The following FNDC1 variants were observed in gnomAD, a reference collection of about 807,000 sequenced individuals.
The protein encoded by FNDC1 is fibronectin type III domain-containing protein 1.
Under a neutral mutation model 168.0 loss-of-function variants are expected in FNDC1, and 96 were observed. The ratio of observed to expected loss-of-function variants is 0.57; its 90% CI spans 0.48 to 0.68. The LOEUF (loss-of-function observed/expected upper bound fraction) is 0.68, where lower values mean the gene tolerates loss of function less well. Ranked by LOEUF, FNDC1 falls within the 30% of genes least tolerant of loss-of-function variation. The probability of loss-of-function intolerance (pLI) is 0.00; values close to 1 mark genes in which losing one functional copy is unlikely to be tolerated. For synonymous variants in FNDC1, 1,099 were observed against 1,025.9 expected (o/e 1.07, Z -1.36); for missense variants, 2,587 against 2,482.1 (o/e 1.04, Z -0.90).
intron 1 of FNDC1, among the ~76,000 whole-genome samples, chr6:159,175,581 A>G (rs1781745212): frequency 1.3e-5 from 2 of 152,216 alleles, no homozygotes; most frequent in African/African-American, 2.4e-5. Flanking sequence ...AGGTACTGAA[A>G]TGTGTTGAAC....
chr6:159,222,178 C>T (rs547553960), intron 6 of FNDC1, among the ~76,000 whole-genome samples: 24 of 152,234 alleles, frequency 1.6e-4, no homozygotes, highest in Non-Finnish European at 2.5e-4. Flanking sequence ...CACACGGTTA[C>T]ATTTCCCACG....
rs748341189 is a variant in FNDC1, at chr6:159,221,633, A to G, written c.703A>G (p.Met235Val). Residue 235 changes from methionine to valine, a missense_variant, in exon 6 of 23, where the codon ATG becomes GTG. Coordinates refer to ENST00000297267, the MANE Select transcript of FNDC1 (RefSeq NM_032532.3). ...CGTGTATGTGGTCTCCCTGCAGTCCATGAACTCTCAGGGCCGGAGCCAACC... is the reference window on the plus strand; with the variant it reads ...CGTGTATGTGGTCTCCCTGCAGTCCGTGAACTCTCAGGGCCGGAGCCAACC... Reference protein sequence around the residue: ...ESVYVVSLQSMNSQGRSQPVY... With the variant: ...ESVYVVSLQSVNSQGRSQPVY... 7 of 1,613,888 alleles carry G rather than the reference A, an allele frequency of 4.3e-6. No homozygotes were observed. Among genetic ancestry groups the G allele is most frequent in the African/African-American group, 1.3e-5 (1 of 74,942 alleles).
chr6:159,206,931 C>T lies in FNDC1; in HGVS notation c.460+6350C>T, dbSNP rs185133380. On this transcript the variant is annotated intron_variant, in intron 4 of 22. Coordinates refer to ENST00000297267, the MANE Select transcript of FNDC1 (RefSeq NM_032532.3). ...GGCTTGGATCTCTTCATCCGGTGCT[C>T]GTTTCAAAGCTGCCTCTCATGTTAA... 3.0e-4 allele frequency among the ~76,000 whole-genome samples: 46 copies of T among 152,294 alleles called. No individual in the cohort carries two copies. The East Asian group carries it at 4.6e-3, about 15-fold the overall frequency.
At chr6:159,270,217 G>A (rs1162730215) in intron 22 of FNDC1, among the ~76,000 whole-genome samples, 1 of 152,054 alleles carries the variant, frequency 6.6e-6, no homozygotes, top group African/African-American at 2.4e-5. Flanking sequence ...AGTCTGTCTT[G>A]GTTTTGTGGC....
chr6:159,216,778 T>A (rs187408048), intron 5 of FNDC1, among the ~76,000 whole-genome samples: 1 of 152,248 alleles, frequency 6.6e-6, no homozygotes, highest in Non-Finnish European at 1.5e-5. Flanking sequence ...TCTTACTTAC[T>A]GTCATGTAAG....
intron 5 of FNDC1, among the ~76,000 whole-genome samples, chr6:159,217,451 C>A (rs1185586909): frequency 6.6e-6 from 1 of 152,196 alleles, no homozygotes; most frequent in African/African-American, 2.4e-5. Context: ...TAAGCTGACT[C>A]TACTTTGTGT....
chr6:159,223,018 G>A (rs1782865099), intron 6 of FNDC1, among the ~76,000 whole-genome samples: 1 of 133,672 alleles, frequency 7.5e-6, no homozygotes, highest in Non-Finnish European at 1.6e-5. Context: ...TTTTTGAGGT[G>A]GAGTTTTCGC....
chr6:159,254,341 T>A (rs1777330361), intron 17 of FNDC1, among the ~76,000 whole-genome samples: 1 of 152,142 alleles, frequency 6.6e-6, no homozygotes, highest in Non-Finnish European at 1.5e-5. Flanking sequence ...ACCATGCACA[T>A]GGTTTTAATT....
In FNDC1 at chr6:159,169,680, C is replaced by T. The variant is rs1003404090; in HGVS notation, c.84C>T (p.Pro28=). ...AALLLLAALL[P]VASSAAASVD... Reference sequence around the variant, plus strand: ...TGCTGCTCTTGGCCGCGCTGCTCCCCGTCGCCTCCTCGGCGGCGGCCTCAG... The same window carrying T: ...TGCTGCTCTTGGCCGCGCTGCTCCCTGTCGCCTCCTCGGCGGCGGCCTCAG... Residue 28 remains proline (P), a synonymous_variant, in exon 1 of 23, where the codon CCC becomes CCT. Coordinates refer to ENST00000297267, the MANE Select transcript of FNDC1 (RefSeq NM_032532.3). The surrounding 1 kb of genome is among the most constrained non-coding windows in gnomAD (Gnocchi z 6.8). 2.6e-6 allele frequency: 3 copies of T among 1,162,322 alleles called. No homozygotes were observed. The highest frequency in any genetic ancestry group is 4.0e-5 in the East Asian group (1 of 24,860). 72.0% of individuals were successfully genotyped at this position (1,162,322 alleles called of 1,614,324 possible). A position where few individuals can be genotyped will look rare whatever the true frequency, so the allele number is the denominator to read the frequency against.
intron 4 of FNDC1, among the ~76,000 whole-genome samples, chr6:159,214,663 C>T (rs371186042): frequency 2.6e-5 from 4 of 152,168 alleles, no homozygotes; most frequent in South Asian, 4.1e-4. Flanking sequence ...TAAAAAGGGA[C>T]ACTGTAAAAC....
chr6:159,200,834 T>C (rs567472355), intron 4 of FNDC1, among the ~76,000 whole-genome samples: 12 of 152,364 alleles, frequency 7.9e-5, no homozygotes, highest in South Asian at 2.1e-4. Context: ...TCTGGGGATA[T>C]TGTTGCCCTC....
chr6:159,208,525 C>T (rs1348101317), intron 4 of FNDC1, among the ~76,000 whole-genome samples: 1 of 147,384 alleles, frequency 6.8e-6, no homozygotes, highest in Admixed American at 6.7e-5. Context: ...GTCACTAATG[C>T]AGTGGATGAC....
chr6:159,244,404 G>A (rs1010559809), intron 14 of FNDC1, among the ~76,000 whole-genome samples: 2 of 152,160 alleles, frequency 1.3e-5, no homozygotes, highest in Admixed American at 1.3e-4. Flanking sequence ...ACATTCATTG[G>A]CTGCATCAGA....
At chr6:159,221,743 T>C (rs778139215) in intron 6 of FNDC1, 47 bp downstream of exon 6, 6 of 1,362,862 alleles carry the variant, frequency 4.4e-6, no homozygotes, top group Non-Finnish European at 6.3e-6. Flanking sequence ...CTGGTATGAA[T>C]GCTATGTTGT....
rs535730760 is a variant in FNDC1 at position 159,223,210 on chromosome 6, A to G, written c.767-318A>G. Among the ~76,000 whole-genome samples the G allele has an allele frequency of 5.9e-5, 9 of 152,050 alleles. No homozygotes were observed. The East Asian group carries it at 1.7e-3, about 29-fold the overall frequency. ...ACGGGGTTTCACTGTGTTAGCCAGG[A>G]TGGTCTTGATCTCCTGACCTCGTGA... On this transcript the variant is annotated intron_variant, in intron 6 of 22. Transcript: ENST00000297267.
chr6:159,211,010 C>T (rs1782592219), intron 4 of FNDC1, among the ~76,000 whole-genome samples: 2 of 152,164 alleles, frequency 1.3e-5, no homozygotes, highest in Admixed American at 1.3e-4. Flanking sequence ...TCACACTGAA[C>T]TTCGAGCACC....
Position 159,233,636 on chromosome 6 carries a change from C to A in FNDC1, c.3124C>A (p.Arg1042Ser). Reference protein sequence around the residue: ...RLSLTQAGRPRPTSQGRSHSS... With the variant: ...RLSLTQAGRPSPTSQGRSHSS... ...CTCACTGACCCAGGCCGGGCGGCCC[C>A]GCCCCACGTCGCAGGGCCGCTCCCA... Residue 1042 changes from arginine (R) to serine (S), a missense_variant, in exon 11 of 23, where the codon CGC becomes AGC. Physicochemically the swap from Arg to Ser is moderately radical, Grantham distance 110. Transcript: ENST00000297267. The surrounding 1 kb of genome is among the most constrained non-coding windows in gnomAD (Gnocchi z 4.6). 2 of 1,555,690 alleles carry A rather than the reference C, an allele frequency of 1.3e-6. No individual in the cohort carries two copies. The highest frequency in any genetic ancestry group is 1.9e-5 in the Admixed American group (1 of 52,682).
At chr6:159,177,869 C>T (rs942773469) in intron 1 of FNDC1, among the ~76,000 whole-genome samples, 4 of 152,128 alleles carry the variant, frequency 2.6e-5, no homozygotes, top group Non-Finnish European at 4.4e-5. Context: ...CTGGTGTGCC[C>T]ATTCCCCCGC....
intron 1 of FNDC1, among the ~76,000 whole-genome samples, chr6:159,171,966 A>G (rs1251294344): frequency 6.6e-6 from 1 of 152,204 alleles, no homozygotes; most frequent in Non-Finnish European, 1.5e-5. Context: ...CAAAAGCTTG[A>G]TGGGTAAACT....
Sources: gnomAD v4.1 joint callset for allele counts (sites outside exome capture counted in the v4.1 genomes callset) on GRCh38, gnomAD v4.1.1 for gene constraint, Gnocchi (gnomAD v3.1) non-coding constraint, MANE v1.5 for transcripts, NCBI Gene and HGNC (gene_info 2026-07-23, HGNC 2026-07-21) for gene names.